The following INPP5F variants were observed in gnomAD, a reference collection of about 807,000 sequenced individuals.
The protein encoded by INPP5F is phosphatidylinositide 4-phosphatase SAC2.
Under a neutral mutation model 137.2 loss-of-function variants are expected in INPP5F, and 97 were observed. The ratio of observed to expected loss-of-function variants is 0.71; its 90% CI spans 0.60 to 0.84. The LOEUF (loss-of-function observed/expected upper bound fraction) is 0.84, where lower values mean the gene tolerates loss of function less well. Ranked by LOEUF, INPP5F falls within the 40% of genes least tolerant of loss-of-function variation. INPP5F has a pLI of 0.00. For synonymous variants in INPP5F, 504 were observed against 476.9 expected, an observed-to-expected ratio of 1.06 and a Z score of -0.74; for missense variants, 1,271 against 1,371.9, an observed-to-expected ratio of 0.93 and a Z score of 1.16.
intron 12 of INPP5F, among the ~76,000 whole-genome samples, chr10:119,807,331 T>G (rs572968240): frequency 6.6e-6 from 1 of 152,270 alleles, no homozygotes; most frequent in East Asian, 1.9e-4. Flanking sequence ...GACTGTACTT[T>G]GAGGACACGA....
Position 119,804,211 on chromosome 10 carries a change from G to T in INPP5F, c.1155G>T (p.Lys385Asn), listed in dbSNP as rs1850688056. The T allele has an allele frequency of 6.2e-7, 1 of 1,610,800 alleles. No homozygotes were observed. The highest frequency in any genetic ancestry group is 8.5e-7 in the Non-Finnish European group (1 of 1,177,538). ...INLVDQAGRE[K>N]IIGDAYLKQV... ...TGGTAGACCAGGCAGGAAGAGAGAA[G>T]ATTATTGGCGATGCTTACCTGAAGC... The change falls in exon 10 of 20, where the codon AAG (lysine) becomes AAT (asparagine). Residue 385 changes from lysine to asparagine, a missense_variant. Coordinates refer to ENST00000650623, the MANE Select transcript of INPP5F (RefSeq NM_014937.4).
At chr10:119,777,343 A>G (rs1230065405) in intron 2 of INPP5F, among the ~76,000 whole-genome samples, 1 of 152,078 alleles carries the variant, frequency 6.6e-6, no homozygotes, top group Non-Finnish European at 1.5e-5. Context: ...TCCCGTCCCT[A>G]CTAAAATAAC....
intron 3 of INPP5F, among the ~76,000 whole-genome samples, chr10:119,791,284 C>G (rs1290815913): frequency 6.6e-6 from 1 of 152,194 alleles, no homozygotes. Context: ...AATTTTCCAC[C>G]TCTAAATCCT....
intron 3 of INPP5F, among the ~76,000 whole-genome samples, chr10:119,783,175 C>T (rs1291812014): frequency 6.6e-6 from 1 of 152,136 alleles, no homozygotes; most frequent in African/African-American, 2.4e-5. Context: ...CAGTTTTTGT[C>T]TGCATTTTTT....
chr10:119,791,908 T>C lies in INPP5F; in HGVS notation c.484T>C (p.Leu162=), dbSNP rs1211873082. 1 of 1,612,540 alleles carries C rather than the reference T, an allele frequency of 6.2e-7. No homozygotes were observed. The highest frequency in any genetic ancestry group is 1.1e-5 in the South Asian group (1 of 90,980). ...AGAGAAGGAGAAGTTGGAGAGGAGA[T>C]TACTTGAAGAGTTGCTGAAGATGTT... ...SKEKEKLERR[L]LEELLKMFMD... The change falls in exon 5 of 20, where the codon TTA becomes CTA. Residue 162 remains leucine, a synonymous_variant. Transcript: ENST00000650623.
At chr10:119,773,039 C>T (rs1020935488) in intron 2 of INPP5F, among the ~76,000 whole-genome samples, 4 of 151,920 alleles carry the variant, frequency 2.6e-5, no homozygotes, top group Non-Finnish European at 2.9e-5. Context: ...TGAGCCACTG[C>T]GCCCAGCCTA....
At chr10:119,804,764 C>A (rs1221008975) in intron 10 of INPP5F, among the ~76,000 whole-genome samples, 1 of 151,772 alleles carries the variant, frequency 6.6e-6, no homozygotes, top group Non-Finnish European at 1.5e-5. Context: ...CTCTGTCGCC[C>A]AGGCTGAAGT....
chr10:119,778,798 T>C (rs914100171), intron 2 of INPP5F, among the ~76,000 whole-genome samples: 1 of 152,194 alleles, frequency 6.6e-6, no homozygotes, highest in African/African-American at 2.4e-5. Flanking sequence ...TTCTTCTCTA[T>C]CTCCTACAGT....
intron 19 of INPP5F, chr10:119,825,918 G>A (rs1236631486): frequency 1.3e-5 from 5 of 398,306 alleles, no homozygotes; most frequent in African/African-American, 6.2e-5. Context: ...GACATTTGTG[G>A]CAAATAGCAT....
Position 119,726,158 on chromosome 10 carries a change from C to A in INPP5F, c.-105C>A. The A allele has an allele frequency of 1.6e-6, 1 of 622,014 alleles. No homozygotes were observed. The highest frequency in any genetic ancestry group is 3.7e-5 in the South Asian group (1 of 26,668). The allele number at this position is 622,014 out of a possible 1,614,324, so 38.5% of individuals were successfully genotyped here. ...TCTGCCGCTGCTTCTCGGCGCGGTT[C>A]CTACCCGGCCGCTCCCCGAGGCGCG... On this transcript the variant is annotated 5_prime_UTR_variant, in exon 1 of 20. Transcript: ENST00000650623.
intron 2 of INPP5F, among the ~76,000 whole-genome samples, chr10:119,778,645 A>C (rs1849603342): frequency 6.6e-6 from 1 of 152,126 alleles, no homozygotes; most frequent in Non-Finnish European, 1.5e-5. Context: ...GTTCAATCCT[A>C]GTGTACACAC....
At chr10:119,818,548 C>G (rs1256813565) in intron 15 of INPP5F, 1 of 152,458 alleles carries the variant, frequency 6.6e-6, no homozygotes, top group Admixed American at 6.5e-5. Flanking sequence ...AGTGGCCACC[C>G]TGGCGCCCCT....
chr10:119,745,187 C>CA (rs977232704), intron 1 of INPP5F, among the ~76,000 whole-genome samples: 9 of 152,062 alleles, frequency 5.9e-5, no homozygotes, highest in Non-Finnish European at 1.2e-4. Flanking sequence ...ATAGGTGTCT[C>CA]AGTGAGTGTC....
chr10:119,818,577 C>G (rs1445427928), intron 15 of INPP5F: 1 of 152,454 alleles, frequency 6.6e-6, no homozygotes, highest in Non-Finnish European at 1.5e-5. Flanking sequence ...GGGCCGGGGT[C>G]TGTGCCCTCG....
intron 2 of INPP5F, among the ~76,000 whole-genome samples, chr10:119,777,731 T>C (rs1320281359): frequency 6.6e-6 from 1 of 152,164 alleles, no homozygotes; most frequent in Non-Finnish European, 1.5e-5. Context: ...TACAAGATGC[T>C]TGGTAATGTC....
intron 1 of INPP5F, among the ~76,000 whole-genome samples, chr10:119,736,318 C>T (rs1848214645): frequency 6.6e-6 from 1 of 152,128 alleles, no homozygotes; most frequent in Non-Finnish European, 1.5e-5. Flanking sequence ...TTTTCATTCC[C>T]AAACCATGAC....
At chr10:119,728,040 C>A (rs1847942322) in intron 1 of INPP5F, among the ~76,000 whole-genome samples, 1 of 152,246 alleles carries the variant, frequency 6.6e-6, no homozygotes. Flanking sequence ...TAAAGGCTAA[C>A]CTGCGCCTAG....
rs754275211 is a variant in INPP5F at position 119,726,230 on chromosome 10, G to T, written c.-33G>T. On this transcript the variant is annotated 5_prime_UTR_variant, in exon 1 of 20. Transcript: ENST00000650623. ...CTAGGACGCCCCGTGCGCCGCCCGCGGGCCGCCGCCTCCCTGGGCGCGCGG... is the reference window on the plus strand; with the variant it reads ...CTAGGACGCCCCGTGCGCCGCCCGCTGGCCGCCGCCTCCCTGGGCGCGCGG... The T allele has an allele frequency of 1.7e-5, 24 of 1,388,352 alleles. No individual in the cohort carries two copies. The highest frequency in any genetic ancestry group is 3.0e-5 in the Admixed American group (1 of 33,174). The allele number at this position is 1,388,352 out of a possible 1,614,324, so 86.0% of individuals were successfully genotyped here.
At chr10:119,733,601 C>T (rs1848146856) in intron 1 of INPP5F, among the ~76,000 whole-genome samples, 1 of 151,938 alleles carries the variant, frequency 6.6e-6, no homozygotes, top group Non-Finnish European at 1.5e-5. Context: ...GCAAAACTAC[C>T]TTCTTCAAAG....
Sources: gnomAD v4.1 joint callset for allele counts (sites outside exome capture counted in the v4.1 genomes callset) on GRCh38, gnomAD v4.1.1 for gene constraint, MANE v1.5 for transcripts, NCBI Gene and HGNC (gene_info 2026-07-23, HGNC 2026-07-21) for gene names.